Variants in FMNL2 observed in about 807,000 individuals in gnomAD.
FMNL2 encodes formin like 2, also known as formin-like protein 2.
A neutral mutation model predicts 130.2 loss-of-function variants in FMNL2; 51 were observed. The ratio of observed to expected loss-of-function variants is 0.39; its 90% CI spans 0.31 to 0.49. The LOEUF is 0.49. Ranked by LOEUF, FMNL2 falls within the 20% of genes least tolerant of loss-of-function variation. The pLI is 0.85. For synonymous variants in FMNL2, 465 were observed against 467.1 expected, an observed-to-expected ratio of 1.00 and a Z score of 0.06; for missense variants, 977 against 1,316.2, an observed-to-expected ratio of 0.74 and a Z score of 3.99.
At chr2:152,617,548 G>C (rs1580109474) in intron 13 of FMNL2, among the ~76,000 whole-genome samples, 1 of 152,292 alleles carries the variant, frequency 6.6e-6, no homozygotes, top group Non-Finnish European at 1.5e-5. Context: ...ATTAGGACTT[G>C]AGCTTCTTTG....
At chr2:152,611,407 C>A in intron 10 of FMNL2, 88 bp from the exon 11 acceptor site, 2 of 649,758 alleles carry the variant, frequency 3.1e-6, no homozygotes, top group Non-Finnish European at 2.7e-6. Context: ...GTAAGTGAGC[C>A]TTTTTTATGA....
intron 2 of FMNL2, among the ~76,000 whole-genome samples, chr2:152,534,408 A>G (rs16831307): frequency 0.34 from 51,001 of 152,000 alleles, 8,750 homozygotes; most frequent in East Asian, 0.54. Context: ...ATTGAGGCCA[A>G]TGGAGTTTCA....
chr2:152,418,484 C>T (rs891952387), intron 1 of FMNL2, among the ~76,000 whole-genome samples: 1 of 152,158 alleles, frequency 6.6e-6, no homozygotes, highest in Non-Finnish European at 1.5e-5. Flanking sequence ...CCCCTGGTAA[C>T]CACTGTTCTC....
chr2:152,363,858 CG>C (rs1683332159), intron 1 of FMNL2, among the ~76,000 whole-genome samples: 1 of 152,136 alleles, frequency 6.6e-6, no homozygotes, highest in African/African-American at 2.4e-5. Flanking sequence ...CCACTGTGCC[CG>C]ACTGCAGTAG....
intron 1 of FMNL2, among the ~76,000 whole-genome samples, chr2:152,430,891 A>G (rs897542883): frequency 2.0e-5 from 3 of 151,864 alleles, no homozygotes; most frequent in Non-Finnish European, 4.4e-5. Context: ...ATATATATAT[A>G]TGTTTATTTC....
At chr2:152,501,706 T>C (rs1691845449) in intron 1 of FMNL2, among the ~76,000 whole-genome samples, 3 of 127,616 alleles carry the variant, frequency 2.4e-5, no homozygotes, top group African/African-American at 8.1e-5. Context: ...TTTGCGTGAC[T>C]TTTTTTTTTT....
At chr2:152,568,111 A>C (rs1215526434) in intron 6 of FMNL2, among the ~76,000 whole-genome samples, 1 of 152,218 alleles carries the variant, frequency 6.6e-6, no homozygotes, top group Non-Finnish European at 1.5e-5. Flanking sequence ...CACATACTAG[A>C]ATAAGTCTAA....
At chr2:152,395,574 C>A (rs533741622) in intron 1 of FMNL2, among the ~76,000 whole-genome samples, 1 of 152,128 alleles carries the variant, frequency 6.6e-6, no homozygotes, top group Non-Finnish European at 1.5e-5. Context: ...AAATTTGAAA[C>A]CTATGTTTTT....
intron 6 of FMNL2, among the ~76,000 whole-genome samples, chr2:152,562,700 T>C (rs1166042249): frequency 1.3e-5 from 2 of 152,198 alleles, no homozygotes; most frequent in Non-Finnish European, 2.9e-5. Flanking sequence ...TGCATCAGCT[T>C]CACATGTGGG....
chr2:152,489,455 C>A (rs1691018970), intron 1 of FMNL2, among the ~76,000 whole-genome samples: 1 of 152,302 alleles, frequency 6.6e-6, no homozygotes, highest in Middle Eastern at 3.4e-3. Flanking sequence ...ACCTCACCAG[C>A]TACCTGTACC....
intron 9 of FMNL2, among the ~76,000 whole-genome samples, chr2:152,581,847 T>A (rs1696804222): frequency 6.6e-6 from 1 of 152,212 alleles, no homozygotes; most frequent in African/African-American, 2.4e-5. Context: ...CCAAGTTGTG[T>A]GTTATGCTAG....
chr2:152,457,870 C>T (rs919896378), intron 1 of FMNL2, among the ~76,000 whole-genome samples: 4 of 152,130 alleles, frequency 2.6e-5, no homozygotes, highest in Admixed American at 6.5e-5. Flanking sequence ...TTGTGGCCCC[C>T]TTCCTCCATA....
intron 1 of FMNL2, among the ~76,000 whole-genome samples, chr2:152,353,904 GC>G (rs55721862): frequency 0.98 from 149,371 of 152,242 alleles, 73,337 homozygotes; most frequent in East Asian, 1. Context: ...GTGAAGCAGG[GC>G]CCCCAGAACG....
chr2:152,423,322 AT>A (rs1344558751), intron 1 of FMNL2, among the ~76,000 whole-genome samples: 1 of 152,208 alleles, frequency 6.6e-6, no homozygotes, highest in East Asian at 1.9e-4. Flanking sequence ...TACTCTTAAT[AT>A]TTGTATTTTA....
intron 9 of FMNL2, among the ~76,000 whole-genome samples, chr2:152,600,687 T>C (rs1048345535): frequency 5.3e-5 from 8 of 152,132 alleles, no homozygotes; most frequent in African/African-American, 1.9e-4. Flanking sequence ...TTTGGGACAC[T>C]GTTCACAAAT....
At chr2:152,400,693 G>C (rs904723867) in intron 1 of FMNL2, among the ~76,000 whole-genome samples, 2 of 152,150 alleles carry the variant, frequency 1.3e-5, no homozygotes, top group Non-Finnish European at 2.9e-5. Flanking sequence ...CCAGATAACT[G>C]TTATGTCATA....
chr2:152,393,388 T>G (rs1343285466), intron 1 of FMNL2, among the ~76,000 whole-genome samples: 3 of 152,244 alleles, frequency 2.0e-5, no homozygotes, highest in Non-Finnish European at 4.4e-5. Flanking sequence ...TCTTTATTTA[T>G]AAACTTGCCT....
At position 152,581,063 on chromosome 2, in the gene FMNL2, T is replaced by G. The variant is rs373042009; in HGVS notation, c.876+14T>G. The stretch of plus-strand genomic sequence containing the variant: ...AACTTTAAAGAGGTAGGCTACACTA[T>G]AGTTTTCATAAGAATACTCACACAT... On this transcript the variant is annotated intron_variant, in intron 9 of 25. Coordinates refer to ENST00000288670, the MANE Select transcript of FMNL2 (RefSeq NM_052905.4). The G allele has an allele frequency of 6.2e-7, 1 of 1,605,208 alleles. No homozygotes were observed. Among genetic ancestry groups the G allele is most frequent in the Non-Finnish European group, 8.5e-7 (1 of 1,173,890 alleles).
intron 1 of FMNL2, among the ~76,000 whole-genome samples, chr2:152,512,227 T>C (rs550919068): frequency 6.6e-6 from 1 of 152,322 alleles, no homozygotes; most frequent in South Asian, 2.1e-4. Flanking sequence ...CCAGAACATG[T>C]CAAGAATCGT....
Sources: gnomAD v4.1 joint callset for allele counts (sites outside exome capture counted in the v4.1 genomes callset) on GRCh38, gnomAD v4.1.1 for gene constraint, MANE v1.5 for transcripts, NCBI Gene and HGNC (gene_info 2026-07-23, HGNC 2026-07-21) for gene names.